Variants in LRRC37A2 observed in about 807,000 individuals in gnomAD.
The protein encoded by LRRC37A2 is leucine rich repeat containing 37 member A2.
A neutral mutation model predicts 68.8 loss-of-function variants in LRRC37A2; 9 were observed. The observed-to-expected ratio is 0.13, with a 90% CI of 0.08 to 0.23. The LOEUF (loss-of-function observed/expected upper bound fraction) is 0.23. LRRC37A2 is among the 10% of genes least tolerant of loss of function. The probability of loss-of-function intolerance (pLI) is 1.00; values close to 1 mark genes in which losing one functional copy is unlikely to be tolerated. For missense variants in LRRC37A2, 168 were observed against 950.4 expected (o/e 0.18, Z 10.82); for synonymous variants, 63 against 367.6 (o/e 0.17, Z 9.48).
At chr17:46,735,346 T>C in the LRRC37A2 span, among the ~76,000 whole-genome samples, 4 of 152,128 alleles carry the variant, frequency 2.6e-5, no homozygotes, top group East Asian at 5.8e-4. Context: ...TAAGTTACTG[T>C]GGCATTACAT....
the LRRC37A2 span, among the ~76,000 whole-genome samples, chr17:46,853,326 G>C: frequency 2.8e-5 from 4 of 143,402 alleles, no homozygotes; most frequent in Admixed American, 2.8e-4. Flanking sequence ...TTAGGACAGT[G>C]TCTAGCATGC....
At chr17:46,947,693 A>C in the LRRC37A2 span, among the ~76,000 whole-genome samples, 1 of 152,230 alleles carries the variant, frequency 6.6e-6, no homozygotes, top group South Asian at 2.1e-4. Flanking sequence ...TCCTGTCTGT[A>C]TAGTGAGAAT....
At chr17:46,746,939 G>A in the LRRC37A2 span, among the ~76,000 whole-genome samples, 3 of 152,152 alleles carry the variant, frequency 2.0e-5, no homozygotes, top group Admixed American at 6.5e-5. Flanking sequence ...ATTAAATGGC[G>A]AGATACCCAG....
the LRRC37A2 span, among the ~76,000 whole-genome samples, chr17:46,843,517 A>G: frequency 6.6e-6 from 1 of 152,122 alleles, no homozygotes. Flanking sequence ...TCTTCCCTGG[A>G]ACAATGAATT....
the LRRC37A2 span, among the ~76,000 whole-genome samples, chr17:47,014,267 G>T: frequency 3.4e-5 from 5 of 148,920 alleles, no homozygotes; most frequent in African/African-American, 2.5e-5. Flanking sequence ...GCGGGCACCT[G>T]TAATCCCAGC....
At chr17:47,024,652 A>T in the LRRC37A2 span, 1 of 971,384 alleles carries the variant, frequency 1.0e-6, no homozygotes. Context: ...TTGCATTTTA[A>T]TCTAGAAATA....
the LRRC37A2 span, among the ~76,000 whole-genome samples, chr17:47,033,970 G>T: frequency 6.6e-6 from 1 of 152,182 alleles, no homozygotes; most frequent in African/African-American, 2.4e-5. Context: ...CTGGGAGTCA[G>T]TGCACCTTAG....
the LRRC37A2 span, among the ~76,000 whole-genome samples, chr17:46,743,268 G>A: frequency 4.6e-5 from 7 of 152,128 alleles, no homozygotes; most frequent in East Asian, 1.9e-4. Context: ...CAGGCATCCC[G>A]TCCCTCACCC....
At chr17:46,734,734 A>G in the LRRC37A2 span, among the ~76,000 whole-genome samples, 5 of 152,188 alleles carry the variant, frequency 3.3e-5, no homozygotes, top group Non-Finnish European at 7.3e-5. Flanking sequence ...TAGTACATAT[A>G]TATGTAGATT....
At chr17:47,039,942 A>G in the LRRC37A2 span, among the ~76,000 whole-genome samples, 4 of 151,738 alleles carry the variant, frequency 2.6e-5, no homozygotes, top group African/African-American at 9.7e-5. Context: ...GTAATGTGCC[A>G]TTGAGAACCT....
the LRRC37A2 span, among the ~76,000 whole-genome samples, chr17:46,610,035 C>T: frequency 1.1e-5 from 1 of 90,936 alleles, no homozygotes; most frequent in African/African-American, 3.8e-5. Flanking sequence ...CTTTCTCTCT[C>T]TCTCTCTCTT....
the LRRC37A2 span, among the ~76,000 whole-genome samples, chr17:46,722,569 C>T: frequency 9.9e-5 from 15 of 152,178 alleles, no homozygotes; most frequent in Non-Finnish European, 1.9e-4. Flanking sequence ...TGGCAGCTAA[C>T]CTCACGTACT....
At chr17:46,745,076 G>C in the LRRC37A2 span, among the ~76,000 whole-genome samples, 1 of 151,972 alleles carries the variant, frequency 6.6e-6, no homozygotes, top group Non-Finnish European at 1.5e-5. Flanking sequence ...GGGCATGTTT[G>C]GGCACTGTGG....
chr17:47,001,826 A>C, the LRRC37A2 span, among the ~76,000 whole-genome samples: 1 of 146,902 alleles, frequency 6.8e-6, no homozygotes, highest in African/African-American at 2.5e-5. Flanking sequence ...GGTTCAACAG[A>C]TTCTCCTGCC....
chr17:46,835,927 C>A, the LRRC37A2 span, among the ~76,000 whole-genome samples: 2 of 152,208 alleles, frequency 1.3e-5, no homozygotes, highest in African/African-American at 4.8e-5. Context: ...TGGGACAGGA[C>A]TCTCCTGGTG....
At chr17:46,794,089 G>A in the LRRC37A2 span, among the ~76,000 whole-genome samples, 1 of 152,138 alleles carries the variant, frequency 6.6e-6, no homozygotes, top group Admixed American at 6.5e-5. Context: ...GGTTAGCAAG[G>A]GGACAGCCAG....
At chr17:46,719,384 T>C in the LRRC37A2 span, among the ~76,000 whole-genome samples, 1 of 152,222 alleles carries the variant, frequency 6.6e-6, no homozygotes, top group African/African-American at 2.4e-5. The surrounding 1 kb of genome is among the most constrained non-coding windows in gnomAD (Gnocchi z 4.3). Flanking sequence ...GATTTTATTA[T>C]AATTATACTA....
chr17:46,935,020 C>T, the LRRC37A2 span: 4 of 1,611,696 alleles, frequency 2.5e-6, no homozygotes, highest in Non-Finnish European at 2.5e-6. Flanking sequence ...GCCTGTGTTT[C>T]TTTCACAGGA....
At chr17:46,712,921 A>T in the LRRC37A2 span, among the ~76,000 whole-genome samples, 1 of 152,234 alleles carries the variant, frequency 6.6e-6, no homozygotes, top group African/African-American at 2.4e-5. Context: ...TAAGAGGCTG[A>T]AAAAGATACC....
Sources: allele counts gnomAD v4.1 joint callset (sites outside exome capture counted in the v4.1 genomes callset), GRCh38; gene constraint gnomAD v4.1.1; non-coding constraint Gnocchi (gnomAD v3.1); transcripts MANE v1.5; gene names NCBI Gene and HGNC (gene_info 2026-07-23, HGNC 2026-07-21).